Variants in TRMT2B observed in about 807,000 individuals in gnomAD.
TRMT2B encodes tRNA methyltransferase 2B, also known as tRNA (uracil-5-)-methyltransferase homolog B.
In TRMT2B, 34 loss-of-function variants were observed where a neutral mutation model predicts 39.7. The ratio of observed to expected loss-of-function variants is 0.86; its 90% CI spans 0.65 to 1.14. The LOEUF (loss-of-function observed/expected upper bound fraction) is 1.14, where lower values mean the gene tolerates loss of function less well. TRMT2B is among the 50% of genes most tolerant of loss of function. The pLI, the probability that TRMT2B is intolerant of heterozygous loss-of-function variation, is 0.00. For missense variants in TRMT2B, 318 were observed against 377.2 expected, an observed-to-expected ratio of 0.84 and a Z score of 1.30; for synonymous variants, 132 against 137.3, an observed-to-expected ratio of 0.96 and a Z score of 0.27.
intron 13 of TRMT2B, 149 bp from the exon 14 acceptor site, chrX:101,010,856 T>A: frequency 2.0e-6 from 1 of 511,081 alleles, no homozygotes; most frequent in Non-Finnish European, 3.0e-6. Flanking sequence ...AATATAATCG[T>A]TTTTCTTCAC....
the TRMT2B span, among the ~76,000 whole-genome samples, chrX:101,002,437 G>A: frequency 8.9e-6 from 1 of 111,920 alleles, no homozygotes; most frequent in Non-Finnish European, 1.9e-5. Context: ...CTTTTTTGGA[G>A]GAACTCTAGT....
chrX:101,041,448 G>A, intron 3 of TRMT2B, 77 bp from the exon 4 acceptor site: 1 of 951,773 alleles, frequency 1.1e-6, no homozygotes, highest in Admixed American at 2.6e-5. Flanking sequence ...AGTACTTTCA[G>A]AAGACCTAAC....
At chrX:101,029,625 C>T (rs774426208) in intron 7 of TRMT2B, among the ~76,000 whole-genome samples, 9 of 111,477 alleles carry the variant, frequency 8.1e-5, no homozygotes, top group Middle Eastern at 4.6e-3. Flanking sequence ...TTACTGTATC[C>T]TAAGCATCTA....
At chrX:101,043,103 C>T (rs2088346816) in intron 2 of TRMT2B, among the ~76,000 whole-genome samples, 1 of 111,122 alleles carries the variant, frequency 9.0e-6, no homozygotes, top group East Asian at 2.8e-4. Flanking sequence ...CCCATCTCCA[C>T]TAAAAATACA....
At position 101,044,469 on chromosome X, in the gene TRMT2B, T is replaced by C. The variant is rs970049089; in HGVS notation, c.-23-2157A>G. 5.4e-5 allele frequency among the ~76,000 whole-genome samples: 6 copies of C among 111,180 alleles called. No individual in the cohort carries two copies. The East Asian group carries it at 1.7e-3, about 32-fold the overall frequency. On this transcript the variant is annotated intron_variant, in intron 2 of 13. Transcript: ENST00000372936. The stretch of plus-strand genomic sequence containing the variant: ...CAAGCACGGTGGCTCATGCCTGTAA[T>C]CCCAACACTTTGGGAGGCCAGGGCG...
chrX:100,989,601 T>TC, the TRMT2B span, among the ~76,000 whole-genome samples: 1 of 100,229 alleles, frequency 1.0e-5, no homozygotes, highest in South Asian at 4.7e-4. Flanking sequence ...AGAGCGGGAC[T>TC]CCATCTCAAA....
chrX:101,003,998 T>C, the TRMT2B span, among the ~76,000 whole-genome samples: 2 of 108,921 alleles, frequency 1.8e-5, no homozygotes, highest in Admixed American at 2.0e-4. Context: ...GTCCAGCTAA[T>C]TGTTAAATTT....
the TRMT2B span, chrX:100,986,956 T>C: frequency 4.6e-6 from 4 of 872,203 alleles, no homozygotes; most frequent in Non-Finnish European, 6.5e-6. Context: ...GATGCAGCCC[T>C]TGGCCCATTC....
chrX:100,976,907 G>GT, the TRMT2B span, among the ~76,000 whole-genome samples: 2 of 112,686 alleles, frequency 1.8e-5, no homozygotes, highest in African/African-American at 3.2e-5. Flanking sequence ...TGCTGCGAAT[G>GT]TTTTTTGCCA....
At chrX:101,049,481 T>C (rs1462093528) in intron 2 of TRMT2B, among the ~76,000 whole-genome samples, 19 of 65,276 alleles carry the variant, frequency 2.9e-4, no homozygotes, top group African/African-American at 1.5e-3. Flanking sequence ...AGGGAGACCC[T>C]GTCTCCAAAA....
At chrX:101,044,351 C>G (rs1238926001) in intron 2 of TRMT2B, among the ~76,000 whole-genome samples, 1 of 111,062 alleles carries the variant, frequency 9.0e-6, no homozygotes, top group East Asian at 2.8e-4. Flanking sequence ...AGTAGAGAAG[C>G]AGTAGGATAA....
intron 8 of TRMT2B, among the ~76,000 whole-genome samples, chrX:101,023,195 C>T (rs1174301061): frequency 3.6e-5 from 4 of 112,099 alleles, no homozygotes; most frequent in Non-Finnish European, 5.6e-5. Context: ...GCAACTACTA[C>T]CATGGGCAAA....
intron 6 of TRMT2B, among the ~76,000 whole-genome samples, chrX:101,036,394 G>A (rs751704366): frequency 1.0e-5 from 1 of 95,761 alleles, no homozygotes; most frequent in African/African-American, 4.0e-5. Context: ...GCAGTGAGCC[G>A]AGATCACACC....
intron 4 of TRMT2B, among the ~76,000 whole-genome samples, chrX:101,040,999 C>T (rs2088197885): frequency 9.0e-6 from 1 of 111,287 alleles, no homozygotes; most frequent in Non-Finnish European, 1.9e-5. Context: ...CACCTGAGGT[C>T]AGGAGTTCAA....
the TRMT2B span, chrX:100,986,800 GCAAA>G: frequency 8.4e-7 from 1 of 1,184,866 alleles, no homozygotes; most frequent in Non-Finnish European, 1.1e-6. Flanking sequence ...TTTTAGTTTA[GCAAA>G]CAAACAAGAC....
downstream of TRMT2B, among the ~76,000 whole-genome samples, chrX:101,006,173 T>C (rs1185669905): frequency 9.1e-6 from 1 of 110,310 alleles, no homozygotes; most frequent in Non-Finnish European, 1.9e-5. Context: ...GAAGTTGCAG[T>C]GAGCCGAGAT....
the TRMT2B span, among the ~76,000 whole-genome samples, chrX:100,991,620 C>T: frequency 2.7e-5 from 3 of 111,700 alleles, no homozygotes; most frequent in Middle Eastern, 9.2e-3. Flanking sequence ...GTGATCCGCC[C>T]GCCTCGGCCT....
the TRMT2B span, among the ~76,000 whole-genome samples, chrX:101,001,638 G>A: frequency 1.8e-5 from 2 of 110,086 alleles, no homozygotes; most frequent in African/African-American, 6.6e-5. Flanking sequence ...AGTGACCCTG[G>A]GAATCTTGTG....
the TRMT2B span, chrX:100,988,065 TCCTCTTGCTCTGTTGTCA>T: frequency 6.1e-6 from 3 of 492,246 alleles, no homozygotes; most frequent in Non-Finnish European, 1.0e-5. Flanking sequence ...GGCCTAAACA[TCCTCTTGCTCTGTTGTCA>T]CTTTCATTGC....
Sources: allele counts gnomAD v4.1 joint callset (sites outside exome capture counted in the v4.1 genomes callset), GRCh38; gene constraint gnomAD v4.1.1; transcripts MANE v1.5; gene names NCBI Gene and HGNC (gene_info 2026-07-23, HGNC 2026-07-21).